Variants in MSI2 observed in about 807,000 individuals in gnomAD.
MSI2 encodes the protein RNA-binding protein Musashi homolog 2.
Under a neutral mutation model 45.6 loss-of-function variants are expected in MSI2, and 17 were observed. The ratio of observed to expected loss-of-function variants is 0.37; its 90% CI spans 0.26 to 0.56. The LOEUF is 0.56. Ranked by LOEUF, MSI2 falls within the 20% of genes least tolerant of loss-of-function variation. The pLI is 0.77. For synonymous variants in MSI2, 156 were observed against 158.2 expected (o/e 0.99, Z 0.11); for missense variants, 293 against 444.2 (o/e 0.66, Z 3.06).
chr17:57,272,903 A>G, intron 5 of MSI2, among the ~76,000 whole-genome samples: 1 of 152,274 alleles, frequency 6.6e-6, no homozygotes, highest in Admixed American at 6.5e-5. Flanking sequence ...GTATTTACTG[A>G]TACACTCTAT....
chr17:57,294,122 C>T (rs573846832), intron 5 of MSI2, among the ~76,000 whole-genome samples: 4 of 152,114 alleles, frequency 2.6e-5, no homozygotes, highest in Admixed American at 6.5e-5. Flanking sequence ...GTTCTGGAGG[C>T]GGACTTGTTT....
At chr17:57,589,306 A>G (rs934262468) in intron 7 of MSI2, among the ~76,000 whole-genome samples, 17 of 152,212 alleles carry the variant, frequency 1.1e-4, no homozygotes, top group Admixed American at 7.9e-4. Context: ...CTGCTTTTGA[A>G]AAGGTAGCTT....
intron 6 of MSI2, among the ~76,000 whole-genome samples, chr17:57,439,299 C>G (rs1435015490): frequency 6.6e-6 from 1 of 152,220 alleles, no homozygotes; most frequent in African/African-American, 2.4e-5. Context: ...ATTTGTAGGT[C>G]TGGATGAGGA....
intron 6 of MSI2, among the ~76,000 whole-genome samples, chr17:57,446,351 T>G (rs909695052): frequency 6.6e-6 from 1 of 151,888 alleles, no homozygotes; most frequent in African/African-American, 2.4e-5. Context: ...GTTAGCGAGG[T>G]GGCAGGACCA....
intron 7 of MSI2, among the ~76,000 whole-genome samples, chr17:57,564,594 G>C (rs2087682782): frequency 6.6e-6 from 1 of 152,162 alleles, no homozygotes; most frequent in Non-Finnish European, 1.5e-5. Context: ...CAGTGCTGCT[G>C]TCAGGGGAGC....
At chr17:57,283,019 C>T (rs1460166874) in intron 5 of MSI2, among the ~76,000 whole-genome samples, 2 of 151,836 alleles carry the variant, frequency 1.3e-5, no homozygotes, top group Non-Finnish European at 2.9e-5. Context: ...ACGGCTGTGA[C>T]GAGAGTTGTA....
At chr17:57,313,613 G>A (rs1598106652) in intron 5 of MSI2, among the ~76,000 whole-genome samples, 1 of 152,358 alleles carries the variant, frequency 6.6e-6, no homozygotes, top group East Asian at 1.9e-4. Context: ...TGCCTAGTGG[G>A]AAACAAGAGT....
chr17:57,282,986 A>G (rs1909559396), intron 5 of MSI2, among the ~76,000 whole-genome samples: 1 of 152,056 alleles, frequency 6.6e-6, no homozygotes, highest in Non-Finnish European at 1.5e-5. Context: ...TTTTAAAATA[A>G]CCATGTTCAC....
intron 6 of MSI2, among the ~76,000 whole-genome samples, chr17:57,519,438 G>A (rs1387976113): frequency 6.6e-6 from 1 of 152,138 alleles, no homozygotes; most frequent in Non-Finnish European, 1.5e-5. Context: ...GGGGCGGGGA[G>A]ACTCGCATGG....
chr17:57,505,280 G>A (rs118134516), intron 6 of MSI2, among the ~76,000 whole-genome samples: 2,335 of 152,266 alleles, frequency 0.015, 32 homozygotes, highest in East Asian at 0.065. Flanking sequence ...CTCAGATGGC[G>A]AGGGTGGGGG....
chr17:57,545,031 C>A (rs2087131339), intron 7 of MSI2, among the ~76,000 whole-genome samples: 1 of 152,144 alleles, frequency 6.6e-6, no homozygotes, highest in Admixed American at 6.5e-5. Flanking sequence ...ATTATAAAAT[C>A]TTGGCTGGCA....
intron 7 of MSI2, among the ~76,000 whole-genome samples, chr17:57,549,787 G>T (rs2087260541): frequency 6.6e-6 from 1 of 152,198 alleles, no homozygotes; most frequent in Admixed American, 6.5e-5. Flanking sequence ...TTGACCCCTA[G>T]GTGGGCTCCT....
intron 6 of MSI2, among the ~76,000 whole-genome samples, chr17:57,504,752 G>A (rs1178782243): frequency 1.3e-5 from 2 of 152,066 alleles, no homozygotes; most frequent in Non-Finnish European, 2.9e-5. Flanking sequence ...CCAACACGGT[G>A]AAACCCCGAA....
intron 6 of MSI2, among the ~76,000 whole-genome samples, chr17:57,508,294 C>T (rs577912194): frequency 2.6e-5 from 4 of 152,288 alleles, no homozygotes; most frequent in South Asian, 2.1e-4. Context: ...CTCTGCTGCC[C>T]GTATCCAGCG....
intron 5 of MSI2, among the ~76,000 whole-genome samples, chr17:57,388,313 G>C (rs1034889869): frequency 6.6e-6 from 1 of 152,216 alleles, no homozygotes; most frequent in Admixed American, 6.5e-5. Context: ...GGGCTGGGGG[G>C]AATTTGACTT....
chr17:57,344,128 C>T (rs964370925), intron 5 of MSI2, among the ~76,000 whole-genome samples: 4 of 152,212 alleles, frequency 2.6e-5, no homozygotes, highest in South Asian at 2.1e-4. Context: ...ATGATTCTTG[C>T]CTGATCTAGT....
intron 6 of MSI2, among the ~76,000 whole-genome samples, chr17:57,417,265 GA>G (rs1271257341): frequency 6.6e-6 from 1 of 152,180 alleles, no homozygotes; most frequent in Non-Finnish European, 1.5e-5. Context: ...ATGGTAGGTG[GA>G]GGAGAGGAGG....
At chr17:57,305,198 G>A (rs994982338) in intron 5 of MSI2, among the ~76,000 whole-genome samples, 7 of 152,098 alleles carry the variant, frequency 4.6e-5, no homozygotes, top group East Asian at 1.9e-4. Context: ...AGAATCCCAC[G>A]GTGTGAGTTG....
rs963459363 is a variant in MSI2 at position 57,596,972 on chromosome 17, T to C, written c.537+22T>C. ...AATGGTAAGTGTGTAGGGGTTGCGCTGAAATGGAATGCCCCCTTTCTCTAC... is the reference window on the plus strand; with the variant it reads ...AATGGTAAGTGTGTAGGGGTTGCGCCGAAATGGAATGCCCCCTTTCTCTAC... On this transcript the variant is annotated intron_variant, in intron 8 of 13. Coordinates refer to ENST00000284073, the MANE Select transcript of MSI2 (RefSeq NM_138962.4). This position sits in a 1 kb window ranked among gnomAD's most constrained non-coding sequence, Gnocchi z 4.6. 4.6e-5 allele frequency: 69 copies of C among 1,513,618 alleles called. No individual in the cohort carries two copies. Among genetic ancestry groups the C allele is most frequent in the Non-Finnish European group, 6.1e-5 (66 of 1,088,800 alleles). The allele number at this position is 1,513,618 out of a possible 1,614,324, so 93.8% of individuals were successfully genotyped here.
Sources: gnomAD v4.1 joint callset for allele counts (sites outside exome capture counted in the v4.1 genomes callset) on GRCh38, gnomAD v4.1.1 for gene constraint, Gnocchi (gnomAD v3.1) non-coding constraint, MANE v1.5 for transcripts, NCBI Gene and HGNC (gene_info 2026-07-23, HGNC 2026-07-21) for gene names.